LRRC4C: variants seen among roughly 807,000 people sequenced by gnomAD.
LRRC4C encodes the protein leucine rich repeat containing 4C.
In LRRC4C, 5 loss-of-function variants were observed where a neutral mutation model predicts 33.6. That is an observed-to-expected ratio of 0.15 (90% CI 0.08 to 0.31). The LOEUF (loss-of-function observed/expected upper bound fraction) is 0.31. LRRC4C is among the 10% of genes least tolerant of loss of function. LRRC4C has a pLI of 1.00. For synonymous variants in LRRC4C, 329 were observed against 302.0 expected (o/e 1.09, Z -0.93); for missense variants, 560 against 796.7 (o/e 0.70, Z 3.58).
At chr11:40,940,899 G>C (rs142342763) in intron 1 of LRRC4C, among the ~76,000 whole-genome samples, 1 of 148,876 alleles carries the variant, frequency 6.7e-6, no homozygotes, top group South Asian at 2.1e-4. Context: ...GGCCTGAAGA[G>C]CATGACAGAG....
intron 3 of LRRC4C, among the ~76,000 whole-genome samples, chr11:40,461,349 A>T (rs1952387680): frequency 6.6e-6 from 1 of 152,110 alleles, no homozygotes; most frequent in Non-Finnish European, 1.5e-5. Flanking sequence ...TGGATTGCTT[A>T]ACTTTGACTT....
intron 3 of LRRC4C, among the ~76,000 whole-genome samples, chr11:40,373,417 T>C (rs571861678): frequency 2.0e-5 from 3 of 152,092 alleles, no homozygotes; most frequent in Admixed American, 2.0e-4. Context: ...GCAATACATA[T>C]AATCAACAAG....
intron 1 of LRRC4C, among the ~76,000 whole-genome samples, chr11:41,053,726 A>G (rs930174353): frequency 6.6e-6 from 1 of 152,242 alleles, no homozygotes; most frequent in Non-Finnish European, 1.5e-5. Flanking sequence ...AAGTCCATAT[A>G]GAACTCATGT....
At chr11:40,288,223 A>C (rs533321885) in intron 4 of LRRC4C, among the ~76,000 whole-genome samples, 1 of 152,332 alleles carries the variant, frequency 6.6e-6, no homozygotes, top group African/African-American at 2.4e-5. Context: ...CTAGAGTCCA[A>C]GTTTCACCTA....
At chr11:40,296,034 A>C (rs1324772939) in intron 4 of LRRC4C, among the ~76,000 whole-genome samples, 1 of 152,210 alleles carries the variant, frequency 6.6e-6, no homozygotes, top group Non-Finnish European at 1.5e-5. Context: ...AGGGATTTTG[A>C]CAGCAAAGGA....
chr11:41,305,926 TA>T (rs769984994), intron 1 of LRRC4C, among the ~76,000 whole-genome samples: 865 of 56,322 alleles, frequency 0.015, 5 homozygotes, highest in African/African-American at 0.027. Context: ...AAAAAAATAA[TA>T]AAATAAAATA....
chr11:41,316,803 ACT>A (rs888232439), intron 1 of LRRC4C, among the ~76,000 whole-genome samples: 1 of 151,946 alleles, frequency 6.6e-6, no homozygotes, highest in African/African-American at 2.4e-5. Flanking sequence ...ATTCACCACC[ACT>A]CTCTTTTTCC....
intron 4 of LRRC4C, among the ~76,000 whole-genome samples, chr11:40,266,513 T>C (rs1942270715): frequency 6.6e-6 from 1 of 152,094 alleles, no homozygotes; most frequent in South Asian, 2.1e-4. Flanking sequence ...AGTCAAGTCT[T>C]ATTCCAACAC....
intron 2 of LRRC4C, among the ~76,000 whole-genome samples, chr11:40,827,754 G>A (rs1952229034): frequency 1.3e-5 from 2 of 151,714 alleles, no homozygotes; most frequent in African/African-American, 4.8e-5. Flanking sequence ...GTGTGTACAT[G>A]TAGCTAAATA....
intron 1 of LRRC4C, among the ~76,000 whole-genome samples, chr11:41,062,578 T>C (rs189347332): frequency 9.7e-4 from 147 of 152,324 alleles, no homozygotes; most frequent in African/African-American, 3.4e-3. Flanking sequence ...AGCATGGGGA[T>C]GCAAGAATGA....
At chr11:40,222,299 G>A (rs1355007118) in intron 5 of LRRC4C, among the ~76,000 whole-genome samples, 1 of 152,050 alleles carries the variant, frequency 6.6e-6, no homozygotes, top group African/African-American at 2.4e-5. Context: ...TAACTGTTTT[G>A]AGCCCCCATG....
intron 3 of LRRC4C, among the ~76,000 whole-genome samples, chr11:40,620,804 G>A (rs968900718): frequency 2.0e-5 from 3 of 151,774 alleles, no homozygotes; most frequent in African/African-American, 4.8e-5. Flanking sequence ...GAATCCTAAC[G>A]CTGAGTAACT....
intron 3 of LRRC4C, among the ~76,000 whole-genome samples, chr11:40,405,521 C>T (rs1316233290): frequency 6.8e-6 from 1 of 147,964 alleles, no homozygotes; most frequent in Non-Finnish European, 1.5e-5. Flanking sequence ...CCTGTGATCC[C>T]AGCTACTCGG....
At chr11:40,746,244 C>T (rs114056113) in intron 2 of LRRC4C, among the ~76,000 whole-genome samples, 1 of 152,266 alleles carries the variant, frequency 6.6e-6, no homozygotes, top group African/African-American at 2.4e-5. Context: ...TGTCAGGAGA[C>T]TGTGCAACGG....
At chr11:40,702,023 A>T (rs1298257684) in intron 2 of LRRC4C, among the ~76,000 whole-genome samples, 1 of 151,916 alleles carries the variant, frequency 6.6e-6, no homozygotes, top group South Asian at 2.1e-4. Context: ...TTTTAAAAAA[A>T]TTTATTCCAT....
chr11:40,746,643 T>G (rs1948438534), intron 2 of LRRC4C, among the ~76,000 whole-genome samples: 1 of 152,096 alleles, frequency 6.6e-6, no homozygotes, highest in Non-Finnish European at 1.5e-5. Context: ...TCAGAGGACC[T>G]GAGTAAAAGC....
chr11:40,441,203 T>C (rs547486502), intron 3 of LRRC4C, among the ~76,000 whole-genome samples: 2 of 152,288 alleles, frequency 1.3e-5, no homozygotes, highest in South Asian at 2.1e-4. Flanking sequence ...CTGGTGAGTG[T>C]TGAACACAAG....
At chr11:41,449,640 G>A (rs1394928510) in intron 1 of LRRC4C, among the ~76,000 whole-genome samples, 1 of 151,912 alleles carries the variant, frequency 6.6e-6, no homozygotes, top group African/African-American at 2.4e-5. Flanking sequence ...TCTCATCAGG[G>A]AAGAAGATCA....
In LRRC4C at chr11:40,685,140, C is replaced by T. The variant is rs181034345; in HGVS notation, c.-406-36862G>A. On this transcript the variant is annotated intron_variant, in intron 2 of 6. Coordinates refer to ENST00000528697, the MANE Select transcript of LRRC4C (RefSeq NM_001258419.2). Reference sequence around the variant, plus strand: ...ATTTGATATCAATCAGATTGACCTGCTAAAAAAATAAAACACAAGACAGGA... The same window carrying T: ...ATTTGATATCAATCAGATTGACCTGTTAAAAAAATAAAACACAAGACAGGA... Among the ~76,000 whole-genome samples, 663 of 151,936 alleles carry T rather than the reference C, an allele frequency of 4.4e-3. 7 individuals are homozygous for T. The highest frequency in any genetic ancestry group is 0.015 in the African/African-American group (638 of 41,512).
Sources: gnomAD v4.1 joint callset for allele counts (sites outside exome capture counted in the v4.1 genomes callset) on GRCh38, gnomAD v4.1.1 for gene constraint, MANE v1.5 for transcripts, NCBI Gene and HGNC (gene_info 2026-07-23, HGNC 2026-07-21) for gene names.